DLG2: variants seen among roughly 807,000 people sequenced by gnomAD.
DLG2 encodes discs large MAGUK scaffold protein 2.
DLG2 carries 45 observed loss-of-function variants against 132.5 expected under a neutral mutation model. The observed-to-expected ratio is 0.34, with a 90% CI of 0.27 to 0.44. The LOEUF (loss-of-function observed/expected upper bound fraction) is 0.44. Ranked by LOEUF, DLG2 falls within the 20% of genes least tolerant of loss-of-function variation. The pLI is 1.00. For synonymous variants in DLG2, 424 were observed against 419.6 expected (o/e 1.01, Z -0.13); for missense variants, 1,045 against 1,196.9 (o/e 0.87, Z 1.87).
chr11:83,808,168 G>A (rs2046399848), intron 17 of DLG2, among the ~76,000 whole-genome samples: 1 of 152,130 alleles, frequency 6.6e-6, no homozygotes, highest in Admixed American at 6.5e-5. Context: ...TCTACAGGCT[G>A]TTTCCCTGTT....
chr11:83,567,710 T>C lies in DLG2; in HGVS notation c.1941-25852A>G, dbSNP rs17524030. Among the ~76,000 whole-genome samples the C allele has an allele frequency of 5.7e-3, 875 of 152,220 alleles. 5 individuals carry two copies. Among genetic ancestry groups the C allele is most frequent in the Middle Eastern group, 0.024 (7 of 294 alleles). ...CCTTCAGGACCTGGAGCACAGTCTG[T>C]CTGGGTAGGCTGTCATAAGTATAGT... On this transcript the variant is annotated intron_variant, in intron 19 of 27. Coordinates refer to ENST00000376104, the MANE Select transcript of DLG2 (RefSeq NM_001142699.3).
rs2089961847 is a variant in DLG2 at position 83,965,474 on chromosome 11, A to G, written c.1057-6T>C. ...TCTAAACTGTAGTTGTTTACCTGAA[A>G]GGGTGAAAAAGATCAATATTAGAGT... is the stretch of plus-strand genomic sequence containing the variant. On this transcript the variant is annotated splice_polypyrimidine_tract_variant and splice_region_variant and intron_variant, in intron 12 of 27. Transcript: ENST00000376104. 2 of 1,598,382 alleles carry G rather than the reference A, an allele frequency of 1.3e-6. No homozygotes were observed. The highest frequency in any genetic ancestry group is 1.7e-6 in the Non-Finnish European group (2 of 1,172,602).
intron 6 of DLG2, among the ~76,000 whole-genome samples, chr11:84,570,478 T>C (rs1046641977): frequency 6.6e-6 from 1 of 152,190 alleles, no homozygotes; most frequent in African/African-American, 2.4e-5. Flanking sequence ...GCCTGAAAGA[T>C]AGGATAGTGT....
chr11:84,109,090 GAA>G (rs2093170871), intron 9 of DLG2, among the ~76,000 whole-genome samples: 1 of 150,758 alleles, frequency 6.6e-6, no homozygotes, highest in South Asian at 2.1e-4. Flanking sequence ...TTAATGGAGA[GAA>G]AGAAAAAAAA....
chr11:85,121,830 TTATA>T (rs1007565426), intron 5 of DLG2, among the ~76,000 whole-genome samples: 3 of 152,318 alleles, frequency 2.0e-5, no homozygotes, highest in Admixed American at 6.5e-5. Flanking sequence ...GAAATGCACA[TTATA>T]TATACACATG....
At chr11:83,807,790 A>AGAG (rs1257762380) in intron 17 of DLG2, among the ~76,000 whole-genome samples, 1 of 152,128 alleles carries the variant, frequency 6.6e-6, no homozygotes, top group African/African-American at 2.4e-5. Context: ...AACTTTGCTG[A>AGAG]GGTCAACTTT....
intron 5 of DLG2, 30 bp from the exon 6 acceptor site, chr11:85,111,765 C>G (rs1456301858): frequency 1.3e-6 from 2 of 1,505,548 alleles, no homozygotes; most frequent in Non-Finnish European, 9.0e-7. Flanking sequence ...ATATTATATT[C>G]TATTTATTAT....
intron 4 of DLG2, among the ~76,000 whole-genome samples, chr11:85,284,579 G>A (rs2078441108): frequency 6.6e-6 from 1 of 151,876 alleles, no homozygotes; most frequent in Non-Finnish European, 1.5e-5. Flanking sequence ...GTATGAACCT[G>A]AGACATGCCT....
At chr11:83,538,241 ACCCTACTTCAGGTG>A (rs891649951) in intron 20 of DLG2, among the ~76,000 whole-genome samples, 4 of 152,312 alleles carry the variant, frequency 2.6e-5, no homozygotes, top group African/African-American at 9.6e-5. Context: ...TAATACAGGT[ACCCTACTTCAGGTG>A]CTCACTGCCA....
intron 21 of DLG2, among the ~76,000 whole-genome samples, chr11:83,520,695 GTAGATAGATAGATAGATAGA>G (rs72459775): frequency 1.9e-4 from 28 of 149,152 alleles, no homozygotes; most frequent in Non-Finnish European, 3.3e-4. Flanking sequence ...AAGTAGGTAG[GTAGATAGATAGATAGATAGA>G]TAGATAGATA....
intron 7 of DLG2, among the ~76,000 whole-genome samples, chr11:84,454,227 A>G (rs986662307): frequency 2.0e-5 from 3 of 151,532 alleles, no homozygotes; most frequent in African/African-American, 7.3e-5. Flanking sequence ...ATGATAAGGT[A>G]CAAAGGAAGG....
intron 7 of DLG2, among the ~76,000 whole-genome samples, chr11:84,524,699 T>C (rs183291738): frequency 1.3e-5 from 2 of 152,290 alleles, no homozygotes; most frequent in African/African-American, 2.4e-5. Context: ...TTTTAAAGAT[T>C]ATTGCCTAAA....
At chr11:83,510,499 A>C (rs1295447680) in intron 21 of DLG2, among the ~76,000 whole-genome samples, 1 of 152,178 alleles carries the variant, frequency 6.6e-6, no homozygotes, top group Non-Finnish European at 1.5e-5. Flanking sequence ...GGGAACTTGC[A>C]AATAGAGGCA....
chr11:85,238,208 TA>T (rs1378554867), intron 4 of DLG2, among the ~76,000 whole-genome samples: 205 of 6,972 alleles, frequency 0.029, 1 homozygote, highest in Middle Eastern at 0.17. Context: ...ATTTTTATTT[TA>T]TTTATTTATT....
At chr11:85,062,330 G>T (rs1411559173) in intron 6 of DLG2, among the ~76,000 whole-genome samples, 1 of 151,586 alleles carries the variant, frequency 6.6e-6, no homozygotes, top group African/African-American at 2.4e-5. Context: ...TGCATTCCAG[G>T]TAAAAATTTC....
chr11:85,586,792 G>A (rs918927603), intron 3 of DLG2, among the ~76,000 whole-genome samples: 4 of 152,014 alleles, frequency 2.6e-5, no homozygotes, highest in African/African-American at 9.7e-5. Flanking sequence ...ACTTTAGATT[G>A]CCTATTTATG....
rs867286706 is a variant in DLG2, at chr11:84,094,133, T to C, written c.749+4790A>G. ...GAAGATAAAAACATGGACACTGGAG[T>C]CAAACTGCTTACATTCAAATTCTGG... On this transcript the variant is annotated intron_variant, in intron 10 of 27. Transcript: ENST00000376104. Among the ~76,000 whole-genome samples, 10 of 152,138 alleles carry C rather than the reference T, an allele frequency of 6.6e-5. 1 individual carries two copies. The Middle Eastern group carries it at 0.02, about 310-fold the overall frequency.
intron 7 of DLG2, among the ~76,000 whole-genome samples, chr11:84,460,377 A>G (rs1009281711): frequency 2.7e-5 from 4 of 150,666 alleles, no homozygotes; most frequent in African/African-American, 9.7e-5. Context: ...ATATTGCTTC[A>G]TCAAGCAAAC....
At chr11:84,816,071 G>A (rs961376492) in intron 6 of DLG2, among the ~76,000 whole-genome samples, 4 of 152,004 alleles carry the variant, frequency 2.6e-5, no homozygotes, top group African/African-American at 7.2e-5. Context: ...CAGTTATACT[G>A]TCTCAAAAGC....
Sources: allele counts gnomAD v4.1 joint callset (sites outside exome capture counted in the v4.1 genomes callset), GRCh38; gene constraint gnomAD v4.1.1; transcripts MANE v1.5; gene names NCBI Gene and HGNC (gene_info 2026-07-23, HGNC 2026-07-21).